The following TMEM185A variants were observed in gnomAD, a reference collection of about 807,000 sequenced individuals.
TMEM185A encodes the protein transmembrane protein 185A.
Under a neutral mutation model 25.0 loss-of-function variants are expected in TMEM185A, and 9 were observed. The observed-to-expected ratio is 0.36, with a 90% CI of 0.22 to 0.63. The LOEUF (loss-of-function observed/expected upper bound fraction) is 0.63. TMEM185A is among the 20% of genes least tolerant of loss of function. The pLI is 0.68. For missense variants in TMEM185A, 103 were observed against 237.4 expected (o/e 0.43, Z 3.72); for synonymous variants, 45 against 93.5 (o/e 0.48, Z 2.99).
intron 1 of TMEM185A, 33 bp from the exon 2 acceptor site, chrX:149,611,496 C>A (rs1385644648): frequency 1.7e-6 from 2 of 1,145,470 alleles, no homozygotes; most frequent in African/African-American, 3.6e-5. Context: ...AAGAAGGATT[C>A]ACTTTTACAA....
chrX:149,623,548 T>C (rs782057933), intron 1 of TMEM185A, among the ~76,000 whole-genome samples: 1 of 110,284 alleles, frequency 9.1e-6, no homozygotes, highest in Non-Finnish European at 1.9e-5. Context: ...TAAAAATACC[T>C]GGGCAGCTGC....
At chrX:149,618,343 A>T (rs375441685) in intron 1 of TMEM185A, among the ~76,000 whole-genome samples, 17 of 111,322 alleles carry the variant, frequency 1.5e-4, no homozygotes, top group African/African-American at 5.5e-4. Context: ...CTGGACCTAC[A>T]AAATTAAACT....
chrX:149,617,178 TG>T (rs1436282082), intron 1 of TMEM185A, among the ~76,000 whole-genome samples: 2 of 111,362 alleles, frequency 1.8e-5, no homozygotes, highest in East Asian at 2.8e-4. Context: ...AAAACACATA[TG>T]AAAAAAAAAT....
intron 1 of TMEM185A, among the ~76,000 whole-genome samples, chrX:149,617,794 T>C (rs782304083): frequency 2.7e-5 from 3 of 112,241 alleles, no homozygotes; most frequent in Admixed American, 9.4e-5. Flanking sequence ...AACTGGTGAA[T>C]GGTTAACTGA....
At chrX:149,607,911 A>C (rs2090060792) in intron 3 of TMEM185A, among the ~76,000 whole-genome samples, 1 of 111,842 alleles carries the variant, frequency 8.9e-6, no homozygotes, top group African/African-American at 3.3e-5. Flanking sequence ...GGCCTCATGC[A>C]ATCAGGTGAA....
intron 6 of TMEM185A, among the ~76,000 whole-genome samples, chrX:149,598,511 G>A (rs2090003785): frequency 3.4e-5 from 1 of 29,835 alleles, no homozygotes; most frequent in Admixed American, 5.1e-4. Flanking sequence ...TGCCATTCTC[G>A]GGCCCCAGCC....
chrX:149,617,732 T>C (rs1270056935), intron 1 of TMEM185A, among the ~76,000 whole-genome samples: 1 of 112,202 alleles, frequency 8.9e-6, no homozygotes, highest in Admixed American at 9.4e-5. Context: ...TATTCAAATA[T>C]TCCAAGAAGC....
rs1330643405 is a variant in TMEM185A, at chrX:149,631,759, C to T, written c.-179G>A. Reference sequence around the variant, plus strand: ...GTCGCCGCCGCCGCCGCCGCCGCCGCCGCCGCCGCCGCCGCCGCCGCCCGG... The same window carrying T: ...GTCGCCGCCGCCGCCGCCGCCGCCGTCGCCGCCGCCGCCGCCGCCGCCCGG... On this transcript the variant is annotated 5_prime_UTR_variant, in exon 1 of 7. Transcript: ENST00000600449. 18 of 177,736 alleles carry T rather than the reference C, an allele frequency of 1.0e-4. No individual in the cohort carries two copies. The highest frequency in any genetic ancestry group is 1.8e-3 in the Middle Eastern group (1 of 566). 14.6% of individuals were successfully genotyped at this position (177,736 alleles called of 1,213,427 possible).
rs1557354487 is a variant in TMEM185A, at chrX:149,611,467, G to A, written c.39-4C>T. On this transcript the variant is annotated splice_region_variant and splice_polypyrimidine_tract_variant and intron_variant, in intron 1 of 6. Coordinates refer to ENST00000600449, the MANE Select transcript of TMEM185A (RefSeq NM_032508.4). The stretch of plus-strand genomic sequence containing the variant: ...ACAGGCATAGATGAGGAATTTACTA[G>A]GAGAAAAGTAAAACGATTAAGAAGG... 8.5e-7 allele frequency: 1 copy of A among 1,183,264 alleles called. No individual in the cohort carries two copies. Among genetic ancestry groups the A allele is most frequent in the Non-Finnish European group, 1.1e-6 (1 of 884,123 alleles).
At chrX:149,602,365 A>G (rs782235382) in intron 4 of TMEM185A, 1 of 112,591 alleles carries the variant, frequency 8.9e-6, no homozygotes, top group East Asian at 2.8e-4. Flanking sequence ...TAACAGATCT[A>G]TAGTTTTACA....
chrX:149,625,853 T>G (rs1460650899), intron 1 of TMEM185A, among the ~76,000 whole-genome samples: 1 of 112,362 alleles, frequency 8.9e-6, no homozygotes, highest in African/African-American at 3.2e-5. Flanking sequence ...CAACACTCAT[T>G]TGGATGTATA....
chrX:149,624,467 T>C (rs2090153873), intron 1 of TMEM185A, among the ~76,000 whole-genome samples: 1 of 112,213 alleles, frequency 8.9e-6, no homozygotes, highest in African/African-American at 3.2e-5. Flanking sequence ...AGCTGGACTC[T>C]TTTTAGACCT....
intron 6 of TMEM185A, 58 bp downstream of exon 6, chrX:149,599,496 C>G (rs1210346509): frequency 4.8e-5 from 42 of 872,394 alleles, no homozygotes; most frequent in Non-Finnish European, 5.2e-5. Context: ...CGCCACCCCC[C>G]ACCCCCTGGT....
At chrX:149,622,684 T>C (rs2090145065) in intron 1 of TMEM185A, among the ~76,000 whole-genome samples, 1 of 111,475 alleles carries the variant, frequency 9.0e-6, no homozygotes, top group African/African-American at 3.3e-5. Context: ...GGAGCAACAA[T>C]GCGTTCGCTC....
Position 149,631,735 on chromosome X carries a change from T to TCGCCGTCGCCGTCGCCGTCGC in TMEM185A, c.-156_-155insGCGACGGCGACGGCGACGGCG, listed in dbSNP as rs1557356767. On this transcript the variant is annotated 5_prime_UTR_variant, in exon 1 of 7. Coordinates refer to ENST00000600449, the MANE Select transcript of TMEM185A (RefSeq NM_032508.4). ...GTCCCCGCTGCCGTCGCCGTCGCCG[T>TCGCCGTCGCCGTCGCCGTCGC]CGCCGCCGCCGCCGCCGCCGCCGCC... 3 of 327,457 alleles carry TCGCCGTCGCCGTCGCCGTCGC rather than the reference T, an allele frequency of 9.2e-6. No homozygotes were observed. Among genetic ancestry groups the TCGCCGTCGCCGTCGCCGTCGC allele is most frequent in the Non-Finnish European group, 1.5e-5 (3 of 204,604 alleles). 27.0% of individuals were successfully genotyped at this position (327,457 alleles called of 1,213,427 possible). A position where few individuals can be genotyped will look rare whatever the true frequency, so the allele number is the denominator to read the frequency against.
Position 149,631,602 on chromosome X carries a change from G to A in TMEM185A, c.-22C>T. The A allele has an allele frequency of 2.6e-6, 3 of 1,154,472 alleles. No homozygotes were observed. Among genetic ancestry groups the A allele is most frequent in the Non-Finnish European group, 3.5e-6 (3 of 864,942 alleles). ...TCATGGCGGAGAACTTCACCGCGGC[G>A]TCCTCCTCCTCCTCCCCCGCACCCC... On this transcript the variant is annotated 5_prime_UTR_variant, in exon 1 of 7. It adds an upstream start codon to the 5' untranslated region. Coordinates refer to ENST00000600449, the MANE Select transcript of TMEM185A (RefSeq NM_032508.4).
At chrX:149,617,526 C>G (rs113057976) in intron 1 of TMEM185A, among the ~76,000 whole-genome samples, 1 of 111,258 alleles carries the variant, frequency 9.0e-6, no homozygotes, top group African/African-American at 3.3e-5. Context: ...CAAACTAAAA[C>G]GACAATGAGA....
chrX:149,622,117 G>A (rs376338132), intron 1 of TMEM185A, among the ~76,000 whole-genome samples: 186 of 112,018 alleles, frequency 1.7e-3, no homozygotes, highest in African/African-American at 2.5e-3. Context: ...GTCAAAAGTC[G>A]AACCAACTAT....
At position 149,631,711 on chromosome X, in the gene TMEM185A, T is replaced by G; in HGVS notation, c.-131A>C. 1.5e-6 allele frequency: 1 copy of G among 656,071 alleles called. No homozygotes were observed. Among genetic ancestry groups the G allele is most frequent in the Non-Finnish European group, 2.1e-6 (1 of 485,414 alleles). The allele number at this position is 656,071 out of a possible 1,213,427, so 54.1% of individuals were successfully genotyped here. A position where few individuals can be genotyped will look rare whatever the true frequency, so the allele number is the denominator to read the frequency against. ...GCTGCTGCTCCCGCTACTGCTGCCG[T>G]CCCCGCTGCCGTCGCCGTCGCCGTC... is the stretch of plus-strand genomic sequence containing the variant. On this transcript the variant is annotated 5_prime_UTR_variant, in exon 1 of 7. Coordinates refer to ENST00000600449, the MANE Select transcript of TMEM185A (RefSeq NM_032508.4).
Sources: gnomAD v4.1 joint callset for allele counts (sites outside exome capture counted in the v4.1 genomes callset) on GRCh38, gnomAD v4.1.1 for gene constraint, MANE v1.5 for transcripts, NCBI Gene and HGNC (gene_info 2026-07-23, HGNC 2026-07-21) for gene names.